The following AOPEP variants were observed in gnomAD, a reference collection of about 807,000 sequenced individuals.
AOPEP encodes aminopeptidase O (putative), also known as aminopeptidase O.
Under a neutral mutation model 98.1 loss-of-function variants are expected in AOPEP, and 77 were observed. The observed-to-expected ratio is 0.78, with a 90% CI of 0.65 to 0.95. The LOEUF (loss-of-function observed/expected upper bound fraction) is 0.95, where lower values mean the gene tolerates loss of function less well. AOPEP is among the 40% of genes least tolerant of loss of function. The pLI is 0.00. For synonymous variants in AOPEP, 346 were observed against 365.3 expected (o/e 0.95, Z 0.60); for missense variants, 1,024 against 1,024.7 (o/e 1.00, Z 0.01).
intron 5 of AOPEP, among the ~76,000 whole-genome samples, chr9:94,832,925 T>C (rs1856318667): frequency 6.6e-6 from 1 of 151,340 alleles, no homozygotes; most frequent in Non-Finnish European, 1.5e-5. Context: ...CTTTGCTTTG[T>C]AAATTTGATT....
intron 1 of AOPEP, among the ~76,000 whole-genome samples, chr9:94,728,858 G>T (rs1829878985): frequency 6.6e-6 from 1 of 152,232 alleles, no homozygotes; most frequent in South Asian, 2.1e-4. Context: ...AGGAAGAAAT[G>T]TGTGGAAGTT....
chr9:95,037,221 T>C (rs1458921419), intron 13 of AOPEP, among the ~76,000 whole-genome samples: 3 of 152,180 alleles, frequency 2.0e-5, no homozygotes, highest in Non-Finnish European at 4.4e-5. Flanking sequence ...CTTTTAGCCT[T>C]TATTTTGATT....
At chr9:94,767,143 ACTTT>A (rs1698548689) in intron 2 of AOPEP, among the ~76,000 whole-genome samples, 2 of 152,242 alleles carry the variant, frequency 1.3e-5, no homozygotes, top group South Asian at 4.1e-4. Context: ...TTTTCCCCTT[ACTTT>A]CTTCAAGAAA....
intron 7 of AOPEP, chr9:94,932,993 C>A: frequency 1.0e-6 from 1 of 985,390 alleles, no homozygotes; most frequent in African/African-American, 1.7e-5. Flanking sequence ...TGCCATTTTT[C>A]ATTTGTTAAT....
At chr9:95,104,498 C>T in the AOPEP span, among the ~76,000 whole-genome samples, 2 of 152,030 alleles carry the variant, frequency 1.3e-5, no homozygotes, top group Non-Finnish European at 2.9e-5. Context: ...GGCTGAACCA[C>T]GTGTCAGGAG....
intron 5 of AOPEP, among the ~76,000 whole-genome samples, chr9:94,914,695 AG>A (rs150994432): frequency 0.037 from 5,665 of 152,252 alleles, 126 homozygotes; most frequent in Admixed American, 0.068. Context: ...TTTGGCAATG[AG>A]TTTTTGCTAT....
At chr9:94,747,230 G>C (rs1180693747) in intron 1 of AOPEP, among the ~76,000 whole-genome samples, 1 of 152,136 alleles carries the variant, frequency 6.6e-6, no homozygotes, top group Non-Finnish European at 1.5e-5. Context: ...TGGTCTTTAA[G>C]TTAATATCAT....
chr9:94,885,702 GT>G (rs1258477584), intron 5 of AOPEP, among the ~76,000 whole-genome samples: 16 of 152,104 alleles, frequency 1.1e-4, no homozygotes, highest in African/African-American at 3.4e-4. Context: ...TGCCTACATG[GT>G]TTTGCATTCT....
chr9:94,925,687 A>G (rs1215196675), intron 6 of AOPEP, among the ~76,000 whole-genome samples: 1 of 152,218 alleles, frequency 6.6e-6, no homozygotes, highest in African/African-American at 2.4e-5. Flanking sequence ...CAGTGTGCAC[A>G]TCAGTGTCCC....
rs2069974249 is a variant in AOPEP at position 95,082,697 on chromosome 9, G to T, written c.2442G>T (p.Val814=). The change falls in exon 16 of 17, where the codon GTG becomes GTT. Residue 814 remains valine (V), a synonymous_variant. Transcript: ENST00000375315. Reference sequence around the variant, plus strand: ...TGGATAGGTCCTCAGCCCAGGTGGTGGCCGAAATGTTATTTTAACGAGGTG... The same window carrying T: ...TGGATAGGTCCTCAGCCCAGGTGGTTGCCGAAATGTTATTTTAACGAGGTG... The part of the protein sequence containing the change: ...EQMDRSSAQV[V]AEMLF 6.2e-7 allele frequency: 1 copy of T among 1,614,194 alleles called. No homozygotes were observed. The highest frequency in any genetic ancestry group is 8.5e-7 in the Non-Finnish European group (1 of 1,180,024).
At chr9:94,935,325 G>A (rs1372990203) in intron 7 of AOPEP, 1 of 152,188 alleles carries the variant, frequency 6.6e-6, no homozygotes, top group Non-Finnish European at 1.5e-5. Flanking sequence ...GCAGAACCGT[G>A]AGCCAATTAA....
chr9:94,797,877 G>A (rs1847366857), intron 4 of AOPEP, among the ~76,000 whole-genome samples: 1 of 151,748 alleles, frequency 6.6e-6, no homozygotes, highest in Non-Finnish European at 1.5e-5. Context: ...TAATTTTTTT[G>A]TATTTTTAGT....
the AOPEP span, chr9:95,149,963 G>T: frequency 6.2e-7 from 1 of 1,611,892 alleles, no homozygotes; most frequent in Non-Finnish European, 8.5e-7. Context: ...AACTCTGGCT[G>T]GAGGATTTCC....
At position 94,955,984 on chromosome 9, in the gene AOPEP, A is replaced by C; in HGVS notation, c.1841A>C (p.His614Pro). The C allele has an allele frequency of 1.2e-6, 2 of 1,613,518 alleles. No homozygotes were observed. The highest frequency in any genetic ancestry group is 1.7e-6 in the Non-Finnish European group (2 of 1,179,660). ...TTTTCATTTTTAAGAAAATTTGTGCACACATTTCATGGACAGCTGATTCTT... is the reference window on the plus strand; with the variant it reads ...TTTTCATTTTTAAGAAAATTTGTGCCCACATTTCATGGACAGCTGATTCTT... ...TYFSFLRKFV[H>P]TFHGQLILSQ... The change falls in exon 9 of 17, where the codon CAC (histidine) becomes CCC (proline). Residue 614 changes from histidine (H) to proline (P), a missense_variant. Physicochemically the swap from His to Pro is moderately conservative, Grantham distance 77. Transcript: ENST00000375315.
the AOPEP span, chr9:95,107,278 TAGTATTTCAC>T: frequency 6.2e-7 from 1 of 1,613,026 alleles, no homozygotes; most frequent in Admixed American, 1.7e-5. Flanking sequence ...ACCTGGGCAA[TAGTATTTCAC>T]AGGGGAGAGG....
At chr9:94,774,665 T>C (rs1037757396) in intron 3 of AOPEP, among the ~76,000 whole-genome samples, 1 of 152,226 alleles carries the variant, frequency 6.6e-6, no homozygotes, top group Non-Finnish European at 1.5e-5. Flanking sequence ...TTCAGTTTTT[T>C]TCCTGTTATA....
At chr9:94,842,565 C>G (rs2042397134) in intron 5 of AOPEP, among the ~76,000 whole-genome samples, 1 of 152,122 alleles carries the variant, frequency 6.6e-6, no homozygotes, top group Non-Finnish European at 1.5e-5. Context: ...TTTCAATTGT[C>G]AAACACATTT....
chr9:94,769,859 G>A (rs749927106), intron 2 of AOPEP, among the ~76,000 whole-genome samples: 6 of 152,192 alleles, frequency 3.9e-5, no homozygotes, highest in Non-Finnish European at 8.8e-5. Context: ...AAGGGATCAG[G>A]ACAAAATTCT....
chr9:95,040,363 A>C (rs1564559332), intron 13 of AOPEP, among the ~76,000 whole-genome samples: 1 of 152,280 alleles, frequency 6.6e-6, no homozygotes, highest in Non-Finnish European at 1.5e-5. Context: ...CTGGAGCGGA[A>C]GAAAGGCTGT....
Sources: gnomAD v4.1 joint callset for allele counts (sites outside exome capture counted in the v4.1 genomes callset) on GRCh38, gnomAD v4.1.1 for gene constraint, MANE v1.5 for transcripts, NCBI Gene and HGNC (gene_info 2026-07-23, HGNC 2026-07-21) for gene names.